The following CCDC38 variants were observed in gnomAD, a reference collection of about 807,000 sequenced individuals.
The protein encoded by CCDC38 is coiled-coil domain-containing protein 38.
CCDC38 carries 69 observed loss-of-function variants against 72.8 expected under a neutral mutation model. The ratio of observed to expected loss-of-function variants is 0.95; its 90% confidence interval spans 0.78 to 1.16. The LOEUF (loss-of-function observed/expected upper bound fraction) is 1.16. Ranked by LOEUF, CCDC38 falls within the 50% of genes most tolerant of loss-of-function variation. The pLI is 0.00. For missense variants in CCDC38, 626 were observed against 638.9 expected (o/e 0.98, Z 0.22); for synonymous variants, 201 against 213.2 (o/e 0.94, Z 0.50).
At chr12:95,903,674 T>G (rs2079973153) in intron 5 of CCDC38, 1 of 484,922 alleles carries the variant, frequency 2.1e-6, no homozygotes, top group African/African-American at 2.0e-5. Context: ...TTTAATTTGT[T>G]AATGTGTATT....
chr12:95,926,297 C>A (rs1431727843), intron 2 of CCDC38, among the ~76,000 whole-genome samples: 2 of 152,026 alleles, frequency 1.3e-5, no homozygotes, highest in East Asian at 1.9e-4. Flanking sequence ...GGAATTTATC[C>A]ATTTCTTCTA....
At chr12:95,897,886 C>T (rs1357960191) in intron 7 of CCDC38, among the ~76,000 whole-genome samples, 4 of 152,102 alleles carry the variant, frequency 2.6e-5, no homozygotes, top group African/African-American at 9.7e-5. Context: ...GTGTGCCCAG[C>T]AGATCTTAGT....
chr12:95,940,961 T>A (rs1055229163), intron 1 of CCDC38, among the ~76,000 whole-genome samples: 2 of 151,920 alleles, frequency 1.3e-5, no homozygotes, highest in Non-Finnish European at 2.9e-5. Flanking sequence ...AGTCAGATAA[T>A]GTGAAAAGTA....
At chr12:95,915,206 T>C (rs1300028709) in intron 4 of CCDC38, among the ~76,000 whole-genome samples, 2 of 152,196 alleles carry the variant, frequency 1.3e-5, no homozygotes, top group Non-Finnish European at 2.9e-5. Flanking sequence ...TTTTGGCTAT[T>C]CTAGCTATCA....
intron 2 of CCDC38, among the ~76,000 whole-genome samples, chr12:95,922,995 C>T (rs1259967693): frequency 6.6e-6 from 1 of 152,124 alleles, no homozygotes; most frequent in African/African-American, 2.4e-5. Flanking sequence ...AGTAGACTGC[C>T]CTCATCCATG....
At chr12:95,942,043 T>A (rs2136752775) in intron 1 of CCDC38, among the ~76,000 whole-genome samples, 1 of 152,232 alleles carries the variant, frequency 6.6e-6, no homozygotes, top group South Asian at 2.1e-4. Flanking sequence ...GAGACTAAAT[T>A]AACTTTTATA....
chr12:95,927,818 G>A (rs1033320635), intron 2 of CCDC38, among the ~76,000 whole-genome samples: 8 of 149,260 alleles, frequency 5.4e-5, no homozygotes, highest in Non-Finnish European at 8.9e-5. Context: ...GGCTGGATAT[G>A]AAATTCTGGG....
intron 4 of CCDC38, among the ~76,000 whole-genome samples, chr12:95,916,077 A>G (rs1238574644): frequency 6.6e-6 from 1 of 152,150 alleles, no homozygotes. Context: ...TTGATGACCT[A>G]AGGTTTACCA....
At chr12:95,897,655 G>T (rs959044608) in intron 7 of CCDC38, among the ~76,000 whole-genome samples, 3 of 148,400 alleles carry the variant, frequency 2.0e-5, no homozygotes, top group Non-Finnish European at 4.5e-5. Context: ...GAGTTTCCTT[G>T]ACCATAGAAG....
chr12:95,868,542 C>T (rs935414312), intron 15 of CCDC38, among the ~76,000 whole-genome samples: 2 of 152,052 alleles, frequency 1.3e-5, no homozygotes, highest in African/African-American at 4.8e-5. Context: ...CATATTAATT[C>T]CCATACTTCA....
Position 95,925,805 on chromosome 12 carries a change from G to T in CCDC38, c.38-6829C>A, listed in dbSNP as rs543799493. On this transcript the variant is annotated intron_variant, in intron 2 of 15. Coordinates refer to ENST00000344280, the MANE Select transcript of CCDC38 (RefSeq NM_182496.3). ...CTGCATCTATTGAGATAATCATGTGGTTTTTGTCTTTGGTTCTGTTTATAT... is the reference window on the plus strand; with the variant it reads ...CTGCATCTATTGAGATAATCATGTGTTTTTTGTCTTTGGTTCTGTTTATAT... 3.9e-3 allele frequency among the ~76,000 whole-genome samples: 595 copies of T among 151,106 alleles called. 5 individuals are homozygous for T. The highest frequency in any genetic ancestry group is 0.013 in the African/African-American group (542 of 41,068).
intron 13 of CCDC38, among the ~76,000 whole-genome samples, chr12:95,874,997 A>T (rs1024457990): frequency 2.6e-5 from 4 of 152,166 alleles, no homozygotes; most frequent in Non-Finnish European, 5.9e-5. Flanking sequence ...AGAGATAAAC[A>T]CATTCCTCAC....
At chr12:95,900,965 C>A (rs955506958) in intron 5 of CCDC38, among the ~76,000 whole-genome samples, 1 of 152,004 alleles carries the variant, frequency 6.6e-6, no homozygotes, top group Non-Finnish European at 1.5e-5. Flanking sequence ...AAGCTGGGGA[C>A]CAGATCAAGT....
At chr12:95,905,536 T>C (rs11108326) in intron 5 of CCDC38, among the ~76,000 whole-genome samples, 39,381 of 152,044 alleles carry the variant, frequency 0.26, 5,487 homozygotes, top group East Asian at 0.43. Context: ...TATTTTATGT[T>C]GATTGCAGCT....
chr12:95,935,443 C>A, intron 2 of CCDC38: 1 of 182,236 alleles, frequency 5.5e-6, no homozygotes, highest in South Asian at 8.9e-5. Context: ...CCGTCTTGGA[C>A]CAAGAACATA....
chr12:95,914,472 C>A (rs1447127823), intron 4 of CCDC38, among the ~76,000 whole-genome samples: 1 of 152,194 alleles, frequency 6.6e-6, no homozygotes, highest in Non-Finnish European at 1.5e-5. Context: ...TTTATTGCCA[C>A]CCTCCTTAAT....
rs933442892 is a variant in CCDC38 at position 95,905,777 on chromosome 12, G to A, written c.369+610C>T. ...TGCTTGGCATCTCTGCTTTATCTAT[G>A]GCAAATGAATATGCATATAGACATA... On this transcript the variant is annotated intron_variant, in intron 5 of 15. Coordinates refer to ENST00000344280, the MANE Select transcript of CCDC38 (RefSeq NM_182496.3). 2.0e-5 allele frequency among the ~76,000 whole-genome samples: 3 copies of A among 152,066 alleles called. No homozygotes were observed. The East Asian group carries it at 5.8e-4, about 29-fold the overall frequency.
Position 95,878,362 on chromosome 12 carries a change from A to G in CCDC38, c.1143-16T>C. 6.2e-7 allele frequency: 1 copy of G among 1,605,410 alleles called. No homozygotes were observed. The highest frequency in any genetic ancestry group is 1.1e-5 in the South Asian group (1 of 89,746). On this transcript the variant is annotated splice_polypyrimidine_tract_variant and intron_variant, in intron 12 of 15. Transcript: ENST00000344280. ...GTTGCTATTTCTATTACAAAAGAAGAAAGAGACCCTCATCTGAAATTTGTG... is the reference window on the plus strand; with the variant it reads ...GTTGCTATTTCTATTACAAAAGAAGGAAGAGACCCTCATCTGAAATTTGTG...
chr12:95,867,493 G>A (rs2079533447), intron 15 of CCDC38, among the ~76,000 whole-genome samples: 1 of 152,160 alleles, frequency 6.6e-6, no homozygotes, highest in African/African-American at 2.4e-5. Flanking sequence ...GCCTAGAAAA[G>A]CACCATGTTG....
Sources: allele counts gnomAD v4.1 joint callset (sites outside exome capture counted in the v4.1 genomes callset), GRCh38; gene constraint gnomAD v4.1.1; transcripts MANE v1.5; gene names NCBI Gene and HGNC (gene_info 2026-07-23, HGNC 2026-07-21).